The following CSMD3 variants were observed in gnomAD, a reference collection of about 807,000 sequenced individuals.
CSMD3 encodes CUB and Sushi multiple domains 3.
CSMD3 carries 177 observed loss-of-function variants against 435.2 expected under a neutral mutation model. That is an observed-to-expected ratio of 0.41 (90% confidence interval 0.36 to 0.46). CSMD3 has a LOEUF of 0.46. Among genes scored for constraint, CSMD3 ranks in the 20% least tolerant of loss-of-function variants. The pLI is 0.34. For synonymous variants in CSMD3, 1,656 were observed against 1,520.5 expected (o/e 1.09, Z -2.07); for missense variants, 4,265 against 4,504.6 (o/e 0.95, Z 1.52).
At chr8:112,859,698 A>G (rs1032005050) in intron 10 of CSMD3, among the ~76,000 whole-genome samples, 4 of 151,844 alleles carry the variant, frequency 2.6e-5, no homozygotes, top group African/African-American at 4.8e-5. Context: ...AGAACCATCA[A>G]TAGAAAAACT....
chr8:113,211,603 C>T lies in CSMD3; in HGVS notation c.515-37687G>A, dbSNP rs574891092. On this transcript the variant is annotated intron_variant, in intron 3 of 70. Coordinates refer to ENST00000297405, the MANE Select transcript of CSMD3 (RefSeq NM_198123.2). ...ACTGGGGAGGCTGAGGCAGGAGAAC[C>T]GCTTGAACCCAGGAGACGGAGGTTG... Among the ~76,000 whole-genome samples the T allele has an allele frequency of 3.4e-4, 51 of 152,152 alleles. No homozygotes were observed. The Middle Eastern group carries it at 0.01, about 30-fold the overall frequency.
At chr8:112,784,460 A>G (rs1013527340) in intron 13 of CSMD3, among the ~76,000 whole-genome samples, 4 of 152,002 alleles carry the variant, frequency 2.6e-5, no homozygotes, top group African/African-American at 9.7e-5. Context: ...CAAAAAAAAT[A>G]CAAAAGTTCA....
intron 19 of CSMD3, among the ~76,000 whole-genome samples, chr8:112,649,594 A>C (rs186190765): frequency 6.6e-6 from 1 of 152,200 alleles, no homozygotes; most frequent in African/African-American, 2.4e-5. Context: ...ACTGGATTTC[A>C]TATGTGTTTC....
chr8:112,609,399 A>G (rs1213079398), intron 22 of CSMD3, among the ~76,000 whole-genome samples: 2 of 152,062 alleles, frequency 1.3e-5, no homozygotes, highest in African/African-American at 2.4e-5. Flanking sequence ...AGTGGTCTAC[A>G]TGTATATGGA....
At chr8:113,368,091 T>C (rs1250075798) in intron 1 of CSMD3, among the ~76,000 whole-genome samples, 1 of 152,144 alleles carries the variant, frequency 6.6e-6, no homozygotes, top group Non-Finnish European at 1.5e-5. Flanking sequence ...CTATTTGTCC[T>C]CCTTAGGAAG....
intron 22 of CSMD3, among the ~76,000 whole-genome samples, chr8:112,596,679 G>A (rs1831754491): frequency 1.3e-5 from 2 of 152,032 alleles, no homozygotes; most frequent in Non-Finnish European, 2.9e-5. Flanking sequence ...TCAGACCACA[G>A]TGCAATCAAA....
chr8:112,520,357 C>T (rs1824144410), intron 27 of CSMD3, among the ~76,000 whole-genome samples: 3 of 151,956 alleles, frequency 2.0e-5, no homozygotes, highest in Admixed American at 1.3e-4. Context: ...ATCTTAAGAT[C>T]TCAGAGATCT....
chr8:112,785,194 T>C, intron 13 of CSMD3, among the ~76,000 whole-genome samples: 1 of 152,078 alleles, frequency 6.6e-6, no homozygotes, highest in East Asian at 1.9e-4. Context: ...TGAACAATCA[T>C]TTGATAAAAT....
In CSMD3 at chr8:112,224,871, G is replaced by T. The variant is rs757642380; in HGVS notation, c.11024C>A (p.Ala3675Glu). ...CSVHENNNGQAAFENPMYDTN... is the reference protein window; with the variant it reads ...CSVHENNNGQEAFENPMYDTN... ...GTCATACATGGGATTTTCAAAAGCT[G>T]CTTGGCCATTGTTATTTTCATGAAC... is the stretch of plus-strand genomic sequence containing the variant. Residue 3675 changes from alanine (A) to glutamate (E), a missense_variant, in exon 71 of 71, where the codon GCA becomes GAA. By Grantham distance (107) the Ala-to-Glu change is moderately radical. Coordinates refer to ENST00000297405, the MANE Select transcript of CSMD3 (RefSeq NM_198123.2). 5.0e-6 allele frequency: 8 copies of T among 1,614,004 alleles called. No homozygotes were observed. Among genetic ancestry groups the T allele is most frequent in the Non-Finnish European group, 8.5e-7 (1 of 1,179,900 alleles).
intron 1 of CSMD3, among the ~76,000 whole-genome samples, chr8:113,339,456 A>C (rs1345550979): frequency 6.6e-6 from 1 of 151,940 alleles, no homozygotes; most frequent in Non-Finnish European, 1.5e-5. Flanking sequence ...AAAATGCATT[A>C]AGTTATTTTA....
At chr8:112,834,392 T>A (rs538064531) in intron 11 of CSMD3, among the ~76,000 whole-genome samples, 1 of 151,912 alleles carries the variant, frequency 6.6e-6, no homozygotes, top group African/African-American at 2.4e-5. Flanking sequence ...GAAGTAAAAC[T>A]TGTGCATTAA....
chr8:112,765,651 C>T (rs1449856376), intron 13 of CSMD3, among the ~76,000 whole-genome samples: 1 of 151,666 alleles, frequency 6.6e-6, no homozygotes, highest in African/African-American at 2.4e-5. Context: ...AAAAGCCTTA[C>T]CATGGCTAAG....
intron 32 of CSMD3, among the ~76,000 whole-genome samples, chr8:112,443,524 A>G (rs1244751590): frequency 1.3e-5 from 2 of 152,240 alleles, no homozygotes; most frequent in East Asian, 3.8e-4. Flanking sequence ...TTTACACTGT[A>G]CAGGGGTGCA....
chr8:112,506,438 G>A (rs982110107), intron 29 of CSMD3, among the ~76,000 whole-genome samples: 20 of 152,202 alleles, frequency 1.3e-4, no homozygotes, highest in Non-Finnish European at 1.3e-4. Context: ...GAAATCTTCA[G>A]GGAAAGAGGC....
chr8:112,520,183 G>T (rs1824123367), intron 27 of CSMD3, among the ~76,000 whole-genome samples: 1 of 152,006 alleles, frequency 6.6e-6, no homozygotes, highest in Non-Finnish European at 1.5e-5. Context: ...AATTAATTCA[G>T]AATAGAGACC....
intron 45 of CSMD3, among the ~76,000 whole-genome samples, chr8:112,324,953 G>A (rs893403002): frequency 2.0e-5 from 3 of 151,962 alleles, no homozygotes; most frequent in Non-Finnish European, 2.9e-5. Context: ...AATGACTTAC[G>A]CATTAAATTA....
intron 23 of CSMD3, among the ~76,000 whole-genome samples, chr8:112,585,469 T>G (rs1188014643): frequency 6.6e-6 from 1 of 151,438 alleles, no homozygotes; most frequent in African/African-American, 2.4e-5. Context: ...TTGTCACTTA[T>G]GACTGAAGCT....
rs573429706 is a variant in CSMD3, at chr8:113,062,099, C to T, written c.917+36657G>A. ...ACTTTTAATTATTTTATATTAATGG[C>T]TTCCTATTTTTAAAGATATCTTGTC... On this transcript the variant is annotated intron_variant, in intron 5 of 70. Coordinates refer to ENST00000297405, the MANE Select transcript of CSMD3 (RefSeq NM_198123.2). Among the ~76,000 whole-genome samples, 4 of 151,760 alleles carry T rather than the reference C, an allele frequency of 2.6e-5. No homozygotes were observed. In the East Asian group the frequency reaches 7.7e-4, roughly 29 times the overall value.
intron 23 of CSMD3, among the ~76,000 whole-genome samples, chr8:112,581,467 G>A (rs567629841): frequency 6.6e-6 from 1 of 152,040 alleles, no homozygotes; most frequent in Admixed American, 6.6e-5. Flanking sequence ...ACATGGCAAT[G>A]GGGGAAATAT....
Sources: gnomAD v4.1 joint callset for allele counts (sites outside exome capture counted in the v4.1 genomes callset) on GRCh38, gnomAD v4.1.1 for gene constraint, MANE v1.5 for transcripts, NCBI Gene and HGNC (gene_info 2026-07-23, HGNC 2026-07-21) for gene names.